Variants in JARID2 observed in about 807,000 individuals in gnomAD.
JARID2 encodes the protein protein Jumonji.
In JARID2, 21 loss-of-function variants were observed where a neutral mutation model predicts 125.6. The observed-to-expected ratio is 0.17, with a 90% CI of 0.12 to 0.24. JARID2 has a LOEUF of 0.24. Among genes scored for constraint, JARID2 ranks in the 10% least tolerant of loss-of-function variants. JARID2 has a pLI of 1.00. For missense variants in JARID2, 1,303 were observed against 1,639.6 expected (o/e 0.79, Z 3.55); for synonymous variants, 736 against 661.6 (o/e 1.11, Z -1.73).
chr6:15,420,885 G>A (rs1027195052), intron 3 of JARID2, among the ~76,000 whole-genome samples: 1 of 152,212 alleles, frequency 6.6e-6, no homozygotes, highest in African/African-American at 2.4e-5. Flanking sequence ...GTAAGAATGG[G>A]CACTATTCCT....
intron 1 of JARID2, among the ~76,000 whole-genome samples, chr6:15,360,977 A>T (rs1763771905): frequency 1.3e-5 from 2 of 152,190 alleles, no homozygotes; most frequent in Non-Finnish European, 2.9e-5. Context: ...AAATTAGGGC[A>T]CCTAAATTTA....
intron 5 of JARID2, among the ~76,000 whole-genome samples, chr6:15,474,477 T>C (rs1241876925): frequency 2.3e-5 from 3 of 127,968 alleles, no homozygotes; most frequent in Non-Finnish European, 4.9e-5. Context: ...TTTTTTTTTT[T>C]AGCTACTCGT....
chr6:15,379,036 C>A (rs1178812631), intron 2 of JARID2, among the ~76,000 whole-genome samples: 1 of 152,046 alleles, frequency 6.6e-6, no homozygotes, highest in Non-Finnish European at 1.5e-5. Context: ...CTCAGCTGCC[C>A]TGGTTCTGTA....
intron 1 of JARID2, chr6:15,369,457 C>CTCTA: frequency 3.4e-6 from 1 of 293,222 alleles, no homozygotes; most frequent in South Asian, 2.9e-5. Context: ...TTCCTGTGTC[C>CTCTA]TCTATATTAA....
intron 1 of JARID2, among the ~76,000 whole-genome samples, chr6:15,272,911 TC>T (rs1409258110): frequency 6.6e-6 from 1 of 152,220 alleles, no homozygotes; most frequent in Non-Finnish European, 1.5e-5. Context: ...TTCTCCCTGC[TC>T]CCATTGGCTC....
rs1394991586 is a variant in JARID2, at chr6:15,482,714, A to ATGTAT, written c.671-4593_671-4592insTGTAT. Among the ~76,000 whole-genome samples, 423 of 152,360 alleles carry ATGTAT rather than the reference A, an allele frequency of 2.8e-3. 3 individuals carry two copies. Among genetic ancestry groups the ATGTAT allele is most frequent in the African/African-American group, 9.7e-3 (403 of 41,588 alleles). The stretch of plus-strand genomic sequence containing the variant: ...GGAAACGGTCTTTGTAGATGATTTC[A>ATGTAT]GTACTTGATAGGATAGTAGGCTCTA... On this transcript the variant is annotated intron_variant, in intron 5 of 17. Transcript: ENST00000341776.
At chr6:15,347,259 A>G (rs1188501308) in intron 1 of JARID2, among the ~76,000 whole-genome samples, 1 of 152,200 alleles carries the variant, frequency 6.6e-6, no homozygotes, top group Non-Finnish European at 1.5e-5. Flanking sequence ...AGGTGGTGAA[A>G]TGCTATCCTA....
chr6:15,363,299 C>A (rs1036621800), intron 1 of JARID2, among the ~76,000 whole-genome samples: 8 of 152,208 alleles, frequency 5.3e-5, no homozygotes, highest in African/African-American at 1.9e-4. Context: ...CCTGAACCAG[C>A]AGCATTAGCA....
In JARID2 at chr6:15,461,882, C is replaced by CTTTTT. The variant is rs112020845; in HGVS notation, c.494-6651_494-6647dup. Reference sequence around the variant, plus strand: ...TGTAGAGTCCCTTCAGTGATGGTATCTTTTTTTTTTTTTGGAAATACCTAT... The same window carrying CTTTTT: ...TGTAGAGTCCCTTCAGTGATGGTATCTTTTTTTTTTTTTTTTTTGGAAATACCTAT... On this transcript the variant is annotated intron_variant, in intron 4 of 17. Coordinates refer to ENST00000341776, the MANE Select transcript of JARID2 (RefSeq NM_004973.4). Among the ~76,000 whole-genome samples, 555 of 145,180 alleles carry CTTTTT rather than the reference C, an allele frequency of 3.8e-3. 4 individuals are homozygous for CTTTTT. Among genetic ancestry groups the CTTTTT allele is most frequent in the Middle Eastern group, 0.025 (7 of 282 alleles).
intron 1 of JARID2, among the ~76,000 whole-genome samples, chr6:15,249,279 A>G (rs1759341739): frequency 6.6e-6 from 1 of 152,196 alleles, no homozygotes; most frequent in Non-Finnish European, 1.5e-5. Context: ...GCCTTTCATG[A>G]TGATGCTGCA....
intron 5 of JARID2, among the ~76,000 whole-genome samples, chr6:15,474,482 A>T (rs1275385392): frequency 2.1e-5 from 3 of 140,880 alleles, no homozygotes; most frequent in Non-Finnish European, 1.5e-5. Context: ...TTTTTTAGCT[A>T]CTCGTTAGCT....
chr6:15,252,585 T>G (rs1759498228), intron 1 of JARID2, among the ~76,000 whole-genome samples: 1 of 152,226 alleles, frequency 6.6e-6, no homozygotes, highest in Non-Finnish European at 1.5e-5. Context: ...ATTTTGCACC[T>G]AATTCATGGA....
intron 3 of JARID2, among the ~76,000 whole-genome samples, chr6:15,432,479 C>G (rs1020064975): frequency 2.9e-4 from 41 of 139,610 alleles, no homozygotes; most frequent in Non-Finnish European, 5.5e-4. Flanking sequence ...ACAACAACAA[C>G]AAGAAAAGTA....
At chr6:15,381,059 A>G (rs1764562679) in intron 2 of JARID2, among the ~76,000 whole-genome samples, 1 of 151,934 alleles carries the variant, frequency 6.6e-6, no homozygotes, top group Admixed American at 6.6e-5. Context: ...TCTTCTGAAG[A>G]CAGTGGCTTA....
rs1053759318 is a variant in JARID2 at position 15,511,405 on chromosome 6, C to T, written c.2952+4C>T. 2 of 1,603,060 alleles carry T rather than the reference C, an allele frequency of 1.2e-6. No homozygotes were observed. The highest frequency in any genetic ancestry group is 1.7e-6 in the Non-Finnish European group (2 of 1,171,506). Reference sequence around the variant, plus strand: ...GATGCTGGAAAGCAACGTCATGGTGCGTCCACTCAGCCACCGCCTCCAGCA... The same window carrying T: ...GATGCTGGAAAGCAACGTCATGGTGTGTCCACTCAGCCACCGCCTCCAGCA... On this transcript the variant is annotated splice_donor_region_variant and intron_variant, in intron 13 of 17. Coordinates refer to ENST00000341776, the MANE Select transcript of JARID2 (RefSeq NM_004973.4).
At chr6:15,255,222 A>G (rs2127303161) in intron 1 of JARID2, among the ~76,000 whole-genome samples, 1 of 136,874 alleles carries the variant, frequency 7.3e-6, no homozygotes, top group African/African-American at 2.8e-5. Flanking sequence ...TTCCTGCCTC[A>G]TCCTCTCGAG....
In JARID2 at chr6:15,446,770, G is replaced by T. The variant is rs2299046; in HGVS notation, c.324-5236G>T. On this transcript the variant is annotated intron_variant, in intron 3 of 17. Transcript: ENST00000341776. ...TTTTGGTTATGAATGAGGGACCATG[G>T]AGCTCCTTGGCCTGGCAGGTTTTAG... Among the ~76,000 whole-genome samples the T allele has an allele frequency of 6.6e-4, 101 of 152,346 alleles. 1 individual carries two copies. The East Asian group carries it at 0.019, about 28-fold the overall frequency.
chr6:15,246,200 T>G lies in JARID2; in HGVS notation c.-340T>G. 1 of 466,640 alleles carries G rather than the reference T, an allele frequency of 2.1e-6. No individual in the cohort carries two copies. The allele number at this position is 466,640 out of a possible 1,614,324, so 28.9% of individuals were successfully genotyped here. ...ACTAAGGACCTTCACGTTTCGCTGA[T>G]GTAGTTTTTGGAGGAAAAAGGGGGG... On this transcript the variant is annotated 5_prime_UTR_variant, in exon 1 of 18. It removes an upstream start codon present in the reference 5' UTR. Coordinates refer to ENST00000341776, the MANE Select transcript of JARID2 (RefSeq NM_004973.4).
intron 3 of JARID2, among the ~76,000 whole-genome samples, chr6:15,447,583 G>A (rs1044038596): frequency 6.6e-6 from 1 of 152,114 alleles, no homozygotes; most frequent in African/African-American, 2.4e-5. Context: ...GGAACCCCGT[G>A]CTCTCTCCAC....
Sources: allele counts gnomAD v4.1 joint callset (sites outside exome capture counted in the v4.1 genomes callset), GRCh38; gene constraint gnomAD v4.1.1; transcripts MANE v1.5; gene names NCBI Gene and HGNC (gene_info 2026-07-23, HGNC 2026-07-21).